Variants in BOLL observed in about 807,000 individuals in gnomAD.
BOLL encodes boule RNA binding protein.
In BOLL, 23 loss-of-function variants were observed where a neutral mutation model predicts 44.4. That is an observed-to-expected ratio of 0.52 (90% CI 0.37 to 0.73). The LOEUF is 0.73. Among genes scored for constraint, BOLL ranks in the 30% least tolerant of loss-of-function variants. The pLI, the probability that BOLL is intolerant of heterozygous loss-of-function variation, is 0.00. For synonymous variants in BOLL, 97 were observed against 110.8 expected, an observed-to-expected ratio of 0.88 and a Z score of 0.78; for missense variants, 287 against 338.3, an observed-to-expected ratio of 0.85 and a Z score of 1.19.
chr2:197,768,467 T>A (rs185956941), intron 6 of BOLL, among the ~76,000 whole-genome samples: 7 of 151,772 alleles, frequency 4.6e-5, no homozygotes, highest in Admixed American at 4.6e-4. Flanking sequence ...TCAAGACTCG[T>A]TATAAAGTCA....
chr2:197,756,595 A>T, intron 8 of BOLL, 39 bp from the exon 9 acceptor site: 1 of 1,539,492 alleles, frequency 6.5e-7, no homozygotes, highest in East Asian at 2.3e-5. Context: ...AAATATGATT[A>T]GTTATTTCTG....
intron 9 of BOLL, among the ~76,000 whole-genome samples, chr2:197,750,018 C>T (rs1010152928): frequency 2.6e-5 from 4 of 152,136 alleles, no homozygotes; most frequent in Non-Finnish European, 5.9e-5. Flanking sequence ...AAAGAATTTT[C>T]AACCCAGAAT....
chr2:197,770,589 T>C (rs1393744389), intron 6 of BOLL, among the ~76,000 whole-genome samples: 1 of 152,094 alleles, frequency 6.6e-6, no homozygotes, highest in African/African-American at 2.4e-5. Context: ...ATTTTTGCAA[T>C]CTACCCATCT....
At chr2:197,773,857 C>A (rs1689381362) in intron 5 of BOLL, among the ~76,000 whole-genome samples, 1 of 151,832 alleles carries the variant, frequency 6.6e-6, no homozygotes, top group East Asian at 1.9e-4. Context: ...TTCAGAGAGA[C>A]CACTTAGGAT....
At chr2:197,760,823 G>T (rs1324006856) in intron 7 of BOLL, among the ~76,000 whole-genome samples, 1 of 151,950 alleles carries the variant, frequency 6.6e-6, no homozygotes, top group East Asian at 1.9e-4. Context: ...GAGAAAGAAA[G>T]AATTTTAAAA....
At chr2:197,745,751 G>A (rs77938348) in intron 9 of BOLL, among the ~76,000 whole-genome samples, 3 of 152,154 alleles carry the variant, frequency 2.0e-5, no homozygotes, top group Admixed American at 6.5e-5. Flanking sequence ...CAAGTTGGAC[G>A]AACATAAGGG....
intron 7 of BOLL, among the ~76,000 whole-genome samples, chr2:197,763,794 C>G (rs1051616175): frequency 6.6e-6 from 1 of 152,108 alleles, no homozygotes; most frequent in Non-Finnish European, 1.5e-5. Flanking sequence ...TTATCTGACA[C>G]AGAATTAATA....
At chr2:197,737,132 T>C (rs1687528987) in intron 10 of BOLL, among the ~76,000 whole-genome samples, 1 of 152,108 alleles carries the variant, frequency 6.6e-6, no homozygotes, top group Non-Finnish European at 1.5e-5. Context: ...GATCTATTAC[T>C]GAGAACATGG....
chr2:197,745,955 A>G (rs1687970255), intron 9 of BOLL, among the ~76,000 whole-genome samples: 1 of 152,232 alleles, frequency 6.6e-6, no homozygotes, highest in Non-Finnish European at 1.5e-5. Context: ...ATAATTAAGA[A>G]TCCTGACTTA....
intron 6 of BOLL, among the ~76,000 whole-genome samples, chr2:197,769,527 AG>A (rs1243299630): frequency 6.6e-6 from 1 of 152,180 alleles, no homozygotes; most frequent in Non-Finnish European, 1.5e-5. Flanking sequence ...AAAGAAATAA[AG>A]GGTATTCAAT....
chr2:197,746,880 C>A (rs1688007796), intron 9 of BOLL, among the ~76,000 whole-genome samples: 2 of 124,046 alleles, frequency 1.6e-5, no homozygotes. Context: ...AACTTGGTGA[C>A]AGAGTGAGAC....
chr2:197,730,684 CA>C (rs1687119803), intron 10 of BOLL, among the ~76,000 whole-genome samples: 2 of 150,138 alleles, frequency 1.3e-5, no homozygotes, highest in African/African-American at 4.9e-5. Flanking sequence ...AAAGAATTTT[CA>C]ACCCAGAATT....
chr2:197,773,895 G>A, intron 5 of BOLL: 1 of 316,394 alleles, frequency 3.2e-6, no homozygotes, highest in South Asian at 2.7e-5. Flanking sequence ...GGTAAACAAA[G>A]TGGTTAGTTG....
chr2:197,736,551 A>T (rs528184640), intron 10 of BOLL, among the ~76,000 whole-genome samples: 1 of 152,260 alleles, frequency 6.6e-6, no homozygotes, highest in South Asian at 2.1e-4. Flanking sequence ...GAGTGAAGAG[A>T]TACATGAACT....
At chr2:197,752,784 A>T (rs1166987763) in intron 9 of BOLL, among the ~76,000 whole-genome samples, 1 of 152,228 alleles carries the variant, frequency 6.6e-6, no homozygotes, top group Admixed American at 6.5e-5. Flanking sequence ...GACTTTCTTC[A>T]CAGAATTAGA....
rs566460535 is a variant in BOLL, at chr2:197,764,321, G to A, written c.552+2211C>T. Among the ~76,000 whole-genome samples the A allele has an allele frequency of 7.2e-5, 11 of 151,988 alleles. 1 individual carries two copies. In the South Asian group the frequency reaches 2.3e-3, roughly 32 times the overall value. On this transcript the variant is annotated intron_variant, in intron 7 of 10. Coordinates refer to ENST00000392296, the MANE Select transcript of BOLL (RefSeq NM_033030.6). ...AACAACAGATGAATAAAGAAAATAT[G>A]GTATATATATACACAATGGAATACT...
At chr2:197,785,984 G>C (rs753654719), upstream of BOLL, 6 of 1,609,548 alleles carry the variant, frequency 3.7e-6, no homozygotes, top group Non-Finnish European at 5.1e-6. This position sits in a 1 kb window ranked among gnomAD's most constrained non-coding sequence, Gnocchi z 6.7. Context: ...CGTACTCACC[G>C]GCCCGGACTC....
chr2:197,753,019 TC>T (rs1261113034), intron 9 of BOLL, among the ~76,000 whole-genome samples: 1 of 152,194 alleles, frequency 6.6e-6, no homozygotes, highest in Non-Finnish European at 1.5e-5. Flanking sequence ...AACCATCTGA[TC>T]TTTGACAAAC....
intron 9 of BOLL, among the ~76,000 whole-genome samples, chr2:197,744,387 A>G (rs1330264415): frequency 1.3e-5 from 2 of 152,216 alleles, no homozygotes; most frequent in African/African-American, 4.8e-5. Context: ...GATTGCCAGA[A>G]GAGAGTAGTA....
Sources: gnomAD v4.1 joint callset for allele counts (sites outside exome capture counted in the v4.1 genomes callset) on GRCh38, gnomAD v4.1.1 for gene constraint, Gnocchi (gnomAD v3.1) non-coding constraint, MANE v1.5 for transcripts, NCBI Gene and HGNC (gene_info 2026-07-23, HGNC 2026-07-21) for gene names.